Variants in CACNG3 observed in about 807,000 individuals in gnomAD.
CACNG3 encodes the protein voltage-dependent calcium channel gamma-3 subunit.
CACNG3 carries 3 observed loss-of-function variants against 28.5 expected under a neutral mutation model. The observed-to-expected ratio is 0.11, with a 90% CI of 0.05 to 0.27. The LOEUF is 0.27. Ranked by LOEUF, CACNG3 falls within the 10% of genes least tolerant of loss-of-function variation. The probability of loss-of-function intolerance (pLI) is 1.00; values close to 1 mark genes in which losing one functional copy is unlikely to be tolerated. For synonymous variants in CACNG3, 174 were observed against 162.2 expected, an observed-to-expected ratio of 1.07 and a Z score of -0.55; for missense variants, 236 against 414.4, an observed-to-expected ratio of 0.57 and a Z score of 3.74.
chr16:24,270,088 C>A (rs985572118), intron 1 of CACNG3, among the ~76,000 whole-genome samples: 3 of 152,116 alleles, frequency 2.0e-5, no homozygotes, highest in Non-Finnish European at 4.4e-5. Flanking sequence ...GGAATTTCCA[C>A]CACTCTGTAT....
rs370807867 is a variant in CACNG3 at position 24,310,306 on chromosome 16, G to C, written c.212-36428G>C. On this transcript the variant is annotated intron_variant, in intron 1 of 3. Coordinates refer to ENST00000005284, the MANE Select transcript of CACNG3 (RefSeq NM_006539.4). ...AAGCTGGGCACAGTGGCTCACGCCT[G>C]TAATCCCAGCACTTTGGGAGGCCAA... Among the ~76,000 whole-genome samples, 18 of 152,354 alleles carry C rather than the reference G, an allele frequency of 1.2e-4. No individual in the cohort carries two copies. In the East Asian group the frequency reaches 3.1e-3, roughly 26 times the overall value.
At chr16:24,288,812 T>C (rs1404150863) in intron 1 of CACNG3, among the ~76,000 whole-genome samples, 2 of 152,206 alleles carry the variant, frequency 1.3e-5, no homozygotes, top group African/African-American at 2.4e-5. Context: ...AATCTGAAGC[T>C]GAAACACTGC....
chr16:24,331,977 G>A (rs1899636942), intron 1 of CACNG3, among the ~76,000 whole-genome samples: 3 of 152,132 alleles, frequency 2.0e-5, no homozygotes, highest in Non-Finnish European at 2.9e-5. Context: ...TATTTTCATG[G>A]AACTTACCAC....
At chr16:24,273,510 C>A (rs1359835680) in intron 1 of CACNG3, among the ~76,000 whole-genome samples, 1 of 152,194 alleles carries the variant, frequency 6.6e-6, no homozygotes, top group Non-Finnish European at 1.5e-5. Flanking sequence ...ACTTTTTCAT[C>A]ATCAAGATTC....
chr16:24,286,520 C>T (rs1183979521), intron 1 of CACNG3, among the ~76,000 whole-genome samples: 1 of 151,846 alleles, frequency 6.6e-6, no homozygotes, highest in Non-Finnish European at 1.5e-5. Flanking sequence ...AAATAGCAGC[C>T]CTGAATTTCA....
chr16:24,285,796 C>A (rs1406580238), intron 1 of CACNG3, among the ~76,000 whole-genome samples: 1 of 151,324 alleles, frequency 6.6e-6, no homozygotes, highest in Non-Finnish European at 1.5e-5. Flanking sequence ...TTTCAATACA[C>A]CATGGCTATC....
chr16:24,321,440 C>T (rs1166995209), intron 1 of CACNG3, among the ~76,000 whole-genome samples: 1 of 151,328 alleles, frequency 6.6e-6, no homozygotes, highest in Non-Finnish European at 1.5e-5. Flanking sequence ...GACTCTGGCT[C>T]AAAAATAAAT....
rs192102710 is a variant in CACNG3, at chr16:24,347,866, C to A, written c.295+1049C>A. Among the ~76,000 whole-genome samples the A allele has an allele frequency of 2.2e-3, 335 of 152,260 alleles. 4 individuals carry two copies. The highest frequency in any genetic ancestry group is 7.8e-3 in the African/African-American group (326 of 41,556). On this transcript the variant is annotated intron_variant, in intron 2 of 3. Coordinates refer to ENST00000005284, the MANE Select transcript of CACNG3 (RefSeq NM_006539.4). ...CTTTACCTCTCTCTCTAGTTCCTAC[C>A]TTTCTTCATTTTTTTCTGAAATGGA...
At chr16:24,320,082 A>G (rs1386802049) in intron 1 of CACNG3, among the ~76,000 whole-genome samples, 1 of 152,224 alleles carries the variant, frequency 6.6e-6, no homozygotes, top group Non-Finnish European at 1.5e-5. Context: ...TTTTATTCTG[A>G]CAACTTTCAC....
In CACNG3 at chr16:24,328,822, G is replaced by A. The variant is rs146356098; in HGVS notation, c.212-17912G>A. 1.3e-3 allele frequency among the ~76,000 whole-genome samples: 192 copies of A among 152,210 alleles called. 4 individuals are homozygous for A. In the South Asian group the frequency reaches 0.025, roughly 20 times the overall value. On this transcript the variant is annotated intron_variant, in intron 1 of 3. Transcript: ENST00000005284. Reference sequence around the variant, plus strand: ...TCACATCCACAGGCGGGCATCGTGTGCCCATTTACATTCCTTGCTCTTCCA... The same window carrying A: ...TCACATCCACAGGCGGGCATCGTGTACCCATTTACATTCCTTGCTCTTCCA...
chr16:24,305,305 C>A (rs1423389544), intron 1 of CACNG3, among the ~76,000 whole-genome samples: 2 of 146,094 alleles, frequency 1.4e-5, no homozygotes, highest in Non-Finnish European at 3.0e-5. Context: ...TATATACAAA[C>A]TTATATACAT....
At chr16:24,332,064 AAT>A (rs1195274188) in intron 1 of CACNG3, among the ~76,000 whole-genome samples, 1 of 152,190 alleles carries the variant, frequency 6.6e-6, no homozygotes, top group Non-Finnish European at 1.5e-5. Context: ...TCTCTGGTAG[AAT>A]ATAACAGCCT....
At chr16:24,282,481 T>G (rs1337342210) in intron 1 of CACNG3, among the ~76,000 whole-genome samples, 4 of 152,082 alleles carry the variant, frequency 2.6e-5, no homozygotes, top group African/African-American at 9.7e-5. Context: ...TTCACTCTGT[T>G]GGCCAGGATG....
At chr16:24,312,970 G>T (rs867119792) in intron 1 of CACNG3, among the ~76,000 whole-genome samples, 1 of 130,488 alleles carries the variant, frequency 7.7e-6, no homozygotes, top group Non-Finnish European at 1.7e-5. Flanking sequence ...AGAAAGAAAA[G>T]AAAGAAAGAA....
rs371187880 is a variant in CACNG3, at chr16:24,336,801, T to G, written c.212-9933T>G. ...CATTGTAGGCATTAGGATTTTCTTT[T>G]TTGTTGTTGTTGTTGTTTTGTTTTG... On this transcript the variant is annotated intron_variant, in intron 1 of 3. Coordinates refer to ENST00000005284, the MANE Select transcript of CACNG3 (RefSeq NM_006539.4). 1.4e-4 allele frequency among the ~76,000 whole-genome samples: 22 copies of G among 152,022 alleles called. No homozygotes were observed. In the South Asian group the frequency reaches 4.4e-3, roughly 30 times the overall value.
intron 1 of CACNG3, among the ~76,000 whole-genome samples, chr16:24,282,035 C>G (rs1190200574): frequency 6.6e-6 from 1 of 152,254 alleles, no homozygotes; most frequent in South Asian, 2.1e-4. Context: ...CTCTATGACA[C>G]CATCCTGAGT....
intron 1 of CACNG3, among the ~76,000 whole-genome samples, chr16:24,300,848 T>A (rs2141359993): frequency 6.6e-6 from 1 of 152,108 alleles, no homozygotes; most frequent in East Asian, 1.9e-4. Context: ...GGTCAGGAGT[T>A]TGACACCAGC....
intron 1 of CACNG3, among the ~76,000 whole-genome samples, chr16:24,315,408 C>T (rs1899334567): frequency 6.6e-6 from 1 of 151,748 alleles, no homozygotes; most frequent in Admixed American, 6.6e-5. Flanking sequence ...TCAACCTCAC[C>T]ATCATCATCT....
chr16:24,316,563 G>A (rs1403529488), intron 1 of CACNG3, among the ~76,000 whole-genome samples: 1 of 152,214 alleles, frequency 6.6e-6, no homozygotes, highest in Non-Finnish European at 1.5e-5. Flanking sequence ...GCTTACTGGG[G>A]CATCAACTGA....
Sources: gnomAD v4.1 joint callset for allele counts (sites outside exome capture counted in the v4.1 genomes callset) on GRCh38, gnomAD v4.1.1 for gene constraint, MANE v1.5 for transcripts, NCBI Gene and HGNC (gene_info 2026-07-23, HGNC 2026-07-21) for gene names.